The following GPHN variants were observed in gnomAD, a reference collection of about 807,000 sequenced individuals.
The protein encoded by GPHN is gephyrin.
Under a neutral mutation model 95.5 loss-of-function variants are expected in GPHN, and 17 were observed. That is an observed-to-expected ratio of 0.18 (90% CI 0.12 to 0.27). The LOEUF (loss-of-function observed/expected upper bound fraction) is 0.27. GPHN is among the 10% of genes least tolerant of loss of function. GPHN has a pLI of 1.00. For missense variants in GPHN, 660 were observed against 978.1 expected (o/e 0.67, Z 4.34); for synonymous variants, 320 against 322.5 (o/e 0.99, Z 0.08).
At chr14:67,280,637 G>T in the GPHN span, among the ~76,000 whole-genome samples, 1 of 152,246 alleles carries the variant, frequency 6.6e-6, no homozygotes, top group Non-Finnish European at 1.5e-5. Context: ...ACACAAAATG[G>T]TTTGAATGGA....
At chr14:66,558,594 C>G (rs2060101826) in intron 1 of GPHN, among the ~76,000 whole-genome samples, 1 of 152,126 alleles carries the variant, frequency 6.6e-6, no homozygotes, top group South Asian at 2.1e-4. Context: ...CTGTTAAAGG[C>G]TTTATTACAT....
At chr14:67,727,332 TA>T in the GPHN span, 3 of 748,732 alleles carry the variant, frequency 4.0e-6, no homozygotes, top group Non-Finnish European at 6.9e-6. Flanking sequence ...ATGAATGGAA[TA>T]AAAACAGAGT....
chr14:67,394,039 G>T, the GPHN span, among the ~76,000 whole-genome samples: 6 of 152,118 alleles, frequency 3.9e-5, no homozygotes, highest in Admixed American at 3.9e-4. Flanking sequence ...TCTTTCTCCT[G>T]CCTCTCAGCT....
chr14:67,647,062 A>C, the GPHN span: 1 of 1,286,784 alleles, frequency 7.8e-7, no homozygotes, highest in Non-Finnish European at 1.1e-6. Context: ...CAAACCCCCA[A>C]TGGGCAACAC....
chr14:66,547,353 T>G (rs1327702466), intron 1 of GPHN, among the ~76,000 whole-genome samples: 1 of 152,234 alleles, frequency 6.6e-6, no homozygotes, highest in Non-Finnish European at 1.5e-5. Context: ...GGAATCGATC[T>G]TTCCAAACAT....
intron 1 of GPHN, among the ~76,000 whole-genome samples, chr14:66,647,369 TCA>T (rs1000309676): frequency 6.6e-6 from 1 of 151,558 alleles, no homozygotes; most frequent in South Asian, 2.1e-4. Context: ...CACATGATTC[TCA>T]CAGTTAGGTG....
chr14:67,135,521 A>C (rs773115463), intron 17 of GPHN, among the ~76,000 whole-genome samples: 24 of 152,038 alleles, frequency 1.6e-4, no homozygotes, highest in Non-Finnish European at 3.2e-4. Context: ...TTAATTTACT[A>C]TTTTCTAGTT....
chr14:67,222,892 A>G, the GPHN span, among the ~76,000 whole-genome samples: 1 of 152,164 alleles, frequency 6.6e-6, no homozygotes, highest in East Asian at 1.9e-4. Context: ...GAATACTTGA[A>G]GGCAGTTTTA....
At chr14:67,164,978 A>T (rs1049105769) in intron 19 of GPHN, among the ~76,000 whole-genome samples, 184 bp from the exon 20 acceptor site, 11 of 152,168 alleles carry the variant, frequency 7.2e-5, no homozygotes, top group African/African-American at 2.4e-4. Context: ...TGAAAACAGG[A>T]AATACTAAAA....
At chr14:66,761,059 C>A (rs1249914795) in intron 2 of GPHN, 3 of 483,556 alleles carry the variant, frequency 6.2e-6, no homozygotes, top group East Asian at 5.0e-5. Flanking sequence ...TTTGAAGATG[C>A]CCTTTGGAGA....
the GPHN span, among the ~76,000 whole-genome samples, chr14:67,655,481 C>G: frequency 6.6e-6 from 1 of 151,992 alleles, no homozygotes. Context: ...CCACAATGAT[C>G]CAGCTTACCT....
At chr14:67,338,073 ACT>A in the GPHN span, 1 of 152,314 alleles carries the variant, frequency 6.6e-6, no homozygotes, top group Admixed American at 6.5e-5. Context: ...GGAATGACTT[ACT>A]TTTAAATCAT....
the GPHN span, chr14:67,412,111 C>A: frequency 2.1e-6 from 3 of 1,452,984 alleles, no homozygotes; most frequent in South Asian, 4.1e-5. Context: ...CCGCGCCTCG[C>A]GCTCCTCGGC....
At chr14:67,703,594 T>C in the GPHN span, among the ~76,000 whole-genome samples, 2 of 152,162 alleles carry the variant, frequency 1.3e-5, no homozygotes, top group Non-Finnish European at 2.9e-5. Flanking sequence ...ACCACTTGAG[T>C]TCTAATCTGT....
At chr14:66,945,465 A>G (rs1003149823) in intron 8 of GPHN, among the ~76,000 whole-genome samples, 6 of 152,138 alleles carry the variant, frequency 3.9e-5, no homozygotes, top group African/African-American at 9.7e-5. Flanking sequence ...GACTTTGGGG[A>G]CTGGGGGAAG....
intron 9 of GPHN, among the ~76,000 whole-genome samples, chr14:67,002,839 CAACT>C (rs1404468351): frequency 6.6e-6 from 1 of 151,540 alleles, no homozygotes; most frequent in East Asian, 1.9e-4. Flanking sequence ...TTTTTTGTTT[CAACT>C]AACTCTTTCA....
the GPHN span, chr14:67,691,403 C>G: frequency 3.0e-4 from 173 of 580,098 alleles, 2 homozygotes; most frequent in African/African-American, 2.7e-3. Flanking sequence ...CATTTTAAGA[C>G]TTTAGTTGAA....
Position 67,159,403 on chromosome 14 carries a change from T to C in GPHN, c.1837-12T>C. 1 of 1,502,528 alleles carries C rather than the reference T, an allele frequency of 6.7e-7. No homozygotes were observed. The highest frequency in any genetic ancestry group is 9.3e-7 in the Non-Finnish European group (1 of 1,078,246). 93.1% of individuals were successfully genotyped at this position (1,502,528 alleles called of 1,614,324 possible). A position where few individuals can be genotyped will look rare whatever the true frequency, so the allele number is the denominator to read the frequency against. Reference sequence around the variant, plus strand: ...TGTTTGAAAGTAAAGTGATTATTTTTAATGTTTGCAGGACTATCTCAAGCA... The same window carrying C: ...TGTTTGAAAGTAAAGTGATTATTTTCAATGTTTGCAGGACTATCTCAAGCA... On this transcript the variant is annotated splice_polypyrimidine_tract_variant and intron_variant, in intron 18 of 22. Transcript: ENST00000478722.
rs1422505206 is a variant in GPHN at position 67,179,798 on chromosome 14, A to T, written c.2176+124A>T. Reference sequence around the variant, plus strand: ...TATACATTTTTCTTTTTGAAAAGTTAGATGAGTTAAGTTATTCCTAAACAG... The same window carrying T: ...TATACATTTTTCTTTTTGAAAAGTTTGATGAGTTAAGTTATTCCTAAACAG... On this transcript the variant is annotated intron_variant, in intron 22 of 22. Transcript: ENST00000478722. The T allele has an allele frequency of 1.0e-5, 7 of 676,846 alleles. No individual in the cohort carries two copies. The Admixed American group carries it at 1.6e-4, about 16-fold the overall frequency. 41.9% of individuals were successfully genotyped at this position (676,846 alleles called of 1,614,324 possible). A position where few individuals can be genotyped will look rare whatever the true frequency, so the allele number is the denominator to read the frequency against.
Sources: gnomAD v4.1 joint callset for allele counts (sites outside exome capture counted in the v4.1 genomes callset) on GRCh38, gnomAD v4.1.1 for gene constraint, MANE v1.5 for transcripts, NCBI Gene and HGNC (gene_info 2026-07-23, HGNC 2026-07-21) for gene names.